NCAPD2: variants seen among roughly 807,000 people sequenced by gnomAD.
NCAPD2 encodes condensin complex subunit 1.
NCAPD2 carries 100 observed loss-of-function variants against 164.5 expected under a neutral mutation model. The observed-to-expected ratio is 0.61, with a 90% CI of 0.52 to 0.72. The LOEUF (loss-of-function observed/expected upper bound fraction) is 0.72, where lower values mean the gene tolerates loss of function less well. Ranked by LOEUF, NCAPD2 falls within the 30% of genes least tolerant of loss-of-function variation. The pLI, the probability that NCAPD2 is intolerant of heterozygous loss-of-function variation, is 0.00. For synonymous variants in NCAPD2, 585 were observed against 642.6 expected, an observed-to-expected ratio of 0.91 and a Z score of 1.36; for missense variants, 1,560 against 1,749.2, an observed-to-expected ratio of 0.89 and a Z score of 1.93.
At chr12:6,527,688 C>T in intron 22 of NCAPD2, 89 bp from the exon 23 acceptor site, 6 of 1,209,694 alleles carry the variant, frequency 5.0e-6, no homozygotes, top group Non-Finnish European at 7.1e-6. Flanking sequence ...ATTTGCCCTT[C>T]CTCACTTTGT....
At chr12:6,505,149 T>A (rs909124781) in intron 2 of NCAPD2, among the ~76,000 whole-genome samples, 2 of 152,156 alleles carry the variant, frequency 1.3e-5, no homozygotes, top group African/African-American at 4.8e-5. Context: ...CACTGGAACC[T>A]CCGCCTCCCC....
At chr12:6,515,875 A>G (rs1354407498) in intron 9 of NCAPD2, among the ~76,000 whole-genome samples, 1 of 152,098 alleles carries the variant, frequency 6.6e-6, no homozygotes, top group Non-Finnish European at 1.5e-5. Context: ...GAGGGAAAGG[A>G]GGGGATATTT....
chr12:6,529,435 G>C, intron 27 of NCAPD2, 78 bp from the exon 28 acceptor site: 1 of 1,261,250 alleles, frequency 7.9e-7, no homozygotes, highest in Non-Finnish European at 1.2e-6. Flanking sequence ...GAGTGCTGGG[G>C]GAGGGTCCAG....
intron 2 of NCAPD2, among the ~76,000 whole-genome samples, chr12:6,508,647 G>A (rs1033515638): frequency 6.6e-6 from 1 of 152,174 alleles, no homozygotes; most frequent in African/African-American, 2.4e-5. Flanking sequence ...ATTCATGGAT[G>A]CTTCAATTAG....
chr12:6,525,494 T>C (rs1432388343), intron 17 of NCAPD2, 89 bp from the exon 18 acceptor site: 1 of 1,471,484 alleles, frequency 6.8e-7, no homozygotes, highest in African/African-American at 1.4e-5. Context: ...TTTGTCTACT[T>C]CAGGTTCGCA....
chr12:6,501,969 T>G (rs540243679), intron 2 of NCAPD2, among the ~76,000 whole-genome samples: 31 of 152,242 alleles, frequency 2.0e-4, no homozygotes, highest in African/African-American at 7.5e-4. Flanking sequence ...TAGGAATAGG[T>G]TTTTAAGAAA....
rs746458872 is a variant in NCAPD2 at position 6,526,300 on chromosome 12, A to G, written c.2495A>G (p.Lys832Arg). 3.1e-6 allele frequency: 5 copies of G among 1,614,150 alleles called. No individual in the cohort carries two copies. The African/African-American group carries it at 4.0e-5, about 13-fold the overall frequency. ...ISDRRKPSLG[K>R]RHPPFRLPQE... Reference sequence around the variant, plus strand: ...TGCTCTCCACAGCCTTCTCTGGGCAAACGTCACCCCCCCTTCCGGCTGCCT... The same window carrying G: ...TGCTCTCCACAGCCTTCTCTGGGCAGACGTCACCCCCCCTTCCGGCTGCCT... Residue 832 changes from lysine to arginine, a missense_variant, in exon 20 of 32, where the codon AAA (lysine) becomes AGA (arginine). Lys to Arg is a conservative substitution (Grantham distance 26, BLOSUM62 2). Coordinates refer to ENST00000315579, the MANE Select transcript of NCAPD2 (RefSeq NM_014865.4).
chr12:6,527,161 A>C, intron 22 of NCAPD2, 98 bp downstream of exon 22: 3 of 1,321,340 alleles, frequency 2.3e-6, no homozygotes, highest in Non-Finnish European at 3.1e-6. Context: ...CTGCTATTAC[A>C]TGAAGCGAAG....
chr12:6,518,514 T>TGTTTTG (rs1565544165), intron 13 of NCAPD2, among the ~76,000 whole-genome samples: 7 of 107,104 alleles, frequency 6.5e-5, no homozygotes, highest in African/African-American at 2.8e-4. Context: ...GTTTTTTTTT[T>TGTTTTG]TTTTTTTTTT....
Position 6,495,206 on chromosome 12 carries a change from T to G in NCAPD2, c.108T>G (p.His36Gln), listed in dbSNP as rs753741130. The G allele has an allele frequency of 9.3e-6, 15 of 1,614,042 alleles. No homozygotes were observed. The highest frequency in any genetic ancestry group is 1.2e-5 in the Non-Finnish European group (14 of 1,180,016). The change falls in exon 2 of 32, where the codon CAT becomes CAG. Residue 36 changes from histidine to glutamine, a missense_variant. Coordinates refer to ENST00000315579, the MANE Select transcript of NCAPD2 (RefSeq NM_014865.4). The stretch of plus-strand genomic sequence containing the variant: ...TGCAAGAGGTACTGTCCATCAAACA[T>G]CTTCCACCACAGCTTAGAGGTAAGA... The part of the protein sequence containing the change: ...YVVQEVLSIK[H>Q]LPPQLRAFQA...
intron 2 of NCAPD2, among the ~76,000 whole-genome samples, chr12:6,496,217 A>G (rs6489719): frequency 0.79 from 120,008 of 151,512 alleles, 48,276 homozygotes; most frequent in African/African-American, 0.95. Flanking sequence ...CGCCACTACC[A>G]CCTGGCTAAT....
chr12:6,528,320 G>A lies in NCAPD2; in HGVS notation c.3291G>A (p.Leu1097=), dbSNP rs142419496. 1.2e-6 allele frequency: 2 copies of A among 1,613,652 alleles called. No homozygotes were observed. The highest frequency in any genetic ancestry group is 1.7e-6 in the Non-Finnish European group (2 of 1,180,012). The change falls in exon 25 of 32, where the codon CTG becomes CTA. Residue 1097 remains leucine, a synonymous_variant. Coordinates refer to ENST00000315579, the MANE Select transcript of NCAPD2 (RefSeq NM_014865.4). The surrounding 1 kb of genome is among the most constrained non-coding windows in gnomAD (Gnocchi z 5.1). The part of the protein sequence containing the change: ...PNLVDPWTPH[L]YARLRDPAQQ... ...TGGTGGACCCCTGGACTCCTCATCTGTATGCTCGGTAAGAGACCCCTCACA... is the reference window on the plus strand; with the variant it reads ...TGGTGGACCCCTGGACTCCTCATCTATATGCTCGGTAAGAGACCCCTCACA...
rs1403910458 is a variant in NCAPD2 at position 6,531,595 on chromosome 12, A to G, written c.*183A>G. The G allele has an allele frequency of 8.0e-7, 1 of 1,243,520 alleles. No individual in the cohort carries two copies. Among genetic ancestry groups the G allele is most frequent in the Non-Finnish European group, 1.1e-6 (1 of 900,876 alleles). 77.0% of individuals were successfully genotyped at this position (1,243,520 alleles called of 1,614,324 possible). ...CCAAGGCGGGTGGATAACCTGAGGT[A>G]GGGAGTTCGAGACCAGCCTGACCAA... On this transcript the variant is annotated 3_prime_UTR_variant, in exon 32 of 32. Coordinates refer to ENST00000315579, the MANE Select transcript of NCAPD2 (RefSeq NM_014865.4). The surrounding 1 kb of genome is among the most constrained non-coding windows in gnomAD (Gnocchi z 4.1).
In NCAPD2 at chr12:6,521,006, G is replaced by A. The variant is rs778277993; in HGVS notation, c.1610G>A (p.Arg537Gln). Residue 537 changes from arginine (R) to glutamine (Q), a missense_variant, in exon 14 of 32, where the codon CGA (arginine) becomes CAA (glutamine). Arg to Gln is a conservative substitution (Grantham distance 43, BLOSUM62 1). Coordinates refer to ENST00000315579, the MANE Select transcript of NCAPD2 (RefSeq NM_014865.4). ...TTCAGAAAGGCCATCATTCTCACTCGAGAAGCCACAGGCCACTTCCAGGAG... is the reference window on the plus strand; with the variant it reads ...TTCAGAAAGGCCATCATTCTCACTCAAGAAGCCACAGGCCACTTCCAGGAG... ...ASYKKAIILT[R>Q]EATGHFQESE... 23 of 1,613,890 alleles carry A rather than the reference G, an allele frequency of 1.4e-5. No individual in the cohort carries two copies. The highest frequency in any genetic ancestry group is 4.4e-5 in the South Asian group (4 of 91,088).
In NCAPD2 at chr12:6,531,101, G is replaced by A. The variant is rs10849485; in HGVS notation, c.4120+25G>A. The A allele has an allele frequency of 0.38, 614,449 of 1,611,214 alleles. 120,711 individuals carry two copies. The highest frequency in any genetic ancestry group is 0.41 in the Non-Finnish European group (479,410 of 1,179,306). The stretch of plus-strand genomic sequence containing the variant: ...GGTATGATGCTCCCGCCTGTTCCCG[G>A]CCGAGAAGGCACACAGCTAGGGTGC... On this transcript the variant is annotated intron_variant, in intron 31 of 31. Coordinates refer to ENST00000315579, the MANE Select transcript of NCAPD2 (RefSeq NM_014865.4). This position sits in a 1 kb window ranked among gnomAD's most constrained non-coding sequence, Gnocchi z 4.1.
intron 9 of NCAPD2, among the ~76,000 whole-genome samples, chr12:6,515,940 C>A (rs907197889): frequency 1.3e-5 from 2 of 151,170 alleles, no homozygotes; most frequent in Non-Finnish European, 3.0e-5. Flanking sequence ...GCCTGTAATC[C>A]CAGCACTTTG....
chr12:6,517,006 C>A lies in NCAPD2; in HGVS notation c.1166C>A (p.Thr389Asn), dbSNP rs576859525. ...CGGAGCCGTGTTTTGCAGCTCTTCA[C>A]CCGAATTGTCCAGCAGAAGGTAACC... The part of the protein sequence containing the change: ...FVRSRVLQLF[T>N]RIVQQKALPL... Residue 389 changes from threonine to asparagine, a missense_variant, in exon 10 of 32, where the codon ACC becomes AAC. Physicochemically the swap from Thr to Asn is moderately conservative, Grantham distance 65 (BLOSUM62 0). Coordinates refer to ENST00000315579, the MANE Select transcript of NCAPD2 (RefSeq NM_014865.4). 2 of 1,613,988 alleles carry A rather than the reference C, an allele frequency of 1.2e-6. No homozygotes were observed. The highest frequency in any genetic ancestry group is 1.7e-6 in the Non-Finnish European group (2 of 1,180,032).
In NCAPD2 at chr12:6,531,904, T is replaced by C; in HGVS notation, c.*492T>C. On this transcript the variant is annotated 3_prime_UTR_variant, in exon 32 of 32. Coordinates refer to ENST00000315579, the MANE Select transcript of NCAPD2 (RefSeq NM_014865.4). The surrounding 1 kb of genome is among the most constrained non-coding windows in gnomAD (Gnocchi z 4.1). ...TGAGCTGCTTCAACTTTGGAATATATGTTTGCCAATCTCCTTGTTTTCTAA... is the reference window on the plus strand; with the variant it reads ...TGAGCTGCTTCAACTTTGGAATATACGTTTGCCAATCTCCTTGTTTTCTAA... 1.1e-5 allele frequency: 2 copies of C among 175,806 alleles called. No homozygotes were observed. Among genetic ancestry groups the C allele is most frequent in the Non-Finnish European group, 2.5e-5 (2 of 81,390 alleles). 10.9% of individuals were successfully genotyped at this position (175,806 alleles called of 1,614,324 possible).
Position 6,522,931 on chromosome 12 carries a change from G to A in NCAPD2, c.2058G>A (p.Glu686=), listed in dbSNP as rs370930042. ...TGCTGCCTCTCATCTGGTCTAAGGA[G>A]CCTGGTGTCCGGGAAGCCGTGCTTA... ...RRMLPLIWSK[E]PGVREAVLNA... is the part of the protein sequence containing the mutation. The change falls in exon 16 of 32, where the codon GAG becomes GAA. Residue 686 remains glutamate, a synonymous_variant. Coordinates refer to ENST00000315579, the MANE Select transcript of NCAPD2 (RefSeq NM_014865.4). The A allele has an allele frequency of 1.5e-5, 24 of 1,614,200 alleles. No individual in the cohort carries two copies. Among genetic ancestry groups the A allele is most frequent in the Non-Finnish European group, 2.0e-5 (24 of 1,180,034 alleles).
Sources: gnomAD v4.1 joint callset for allele counts (sites outside exome capture counted in the v4.1 genomes callset) on GRCh38, gnomAD v4.1.1 for gene constraint, Gnocchi (gnomAD v3.1) non-coding constraint, MANE v1.5 for transcripts, NCBI Gene and HGNC (gene_info 2026-07-23, HGNC 2026-07-21) for gene names.